The following USP3 variants were observed in gnomAD, a reference collection of about 807,000 sequenced individuals.
USP3 encodes ubiquitin specific peptidase 3.
A neutral mutation model predicts 72.3 loss-of-function variants in USP3; 20 were observed. The ratio of observed to expected loss-of-function variants is 0.28; its 90% CI spans 0.19 to 0.40. The LOEUF is 0.40. Among genes scored for constraint, USP3 ranks in the 10% least tolerant of loss-of-function variants. USP3 has a pLI of 1.00. For synonymous variants in USP3, 222 were observed against 225.3 expected, an observed-to-expected ratio of 0.99 and a Z score of 0.13; for missense variants, 479 against 633.9, an observed-to-expected ratio of 0.76 and a Z score of 2.62.
chr15:63,594,497 A>G lies in USP3; in HGVS notation c.*3671A>G, dbSNP rs2067258003. 6.6e-6 allele frequency: 1 copy of G among 152,226 alleles called. No individual in the cohort carries two copies. Among genetic ancestry groups the G allele is most frequent in the African/African-American group, 2.4e-5 (1 of 41,438 alleles). The allele number at this position is 152,226 out of a possible 1,614,324, so 9.4% of individuals were successfully genotyped here. ...TCATGCTATGATGTCATCATTTGCC[A>G]TTAAAACCCAGTTTGTATGATGCCA... On this transcript the variant is annotated 3_prime_UTR_variant, in exon 15 of 15. Coordinates refer to ENST00000380324, the MANE Select transcript of USP3 (RefSeq NM_006537.4).
intron 3 of USP3, among the ~76,000 whole-genome samples, chr15:63,542,878 C>G (rs56930052): frequency 0.06 from 9,108 of 152,054 alleles, 332 homozygotes; most frequent in African/African-American, 0.1. Context: ...GACAGAAAGT[C>G]AAATAATTGG....
At position 63,550,409 on chromosome 15, in the gene USP3, A is replaced by G. The variant is rs147501754; in HGVS notation, c.285-3306A>G. Among the ~76,000 whole-genome samples the G allele has an allele frequency of 3.1e-3, 475 of 152,360 alleles. 1 individual carries two copies. The highest frequency in any genetic ancestry group is 6.8e-3 in the Middle Eastern group (2 of 294). On this transcript the variant is annotated intron_variant, in intron 3 of 14. Transcript: ENST00000380324. ...TCCCACAGCAGAAAAAATAAGAGAA[A>G]TAAATCCAACAAATACTGATGTTGG...
rs72750954 is a variant in USP3 at position 63,561,874 on chromosome 15, T to C, written c.648-1021T>C. Among the ~76,000 whole-genome samples the C allele has an allele frequency of 5.6e-3, 852 of 152,232 alleles. 4 individuals are homozygous for C. The highest frequency in any genetic ancestry group is 9.7e-3 in the Non-Finnish European group (660 of 68,020). ...GAGATACCAATCAAGTATCCGAAAA[T>C]ATGGTGCTTATGTTGACAGCTATGG... On this transcript the variant is annotated intron_variant, in intron 7 of 14. Transcript: ENST00000380324.
Position 63,588,550 on chromosome 15 carries a change from A to T in USP3, c.1215+127A>T. 1.0e-6 allele frequency: 1 copy of T among 965,768 alleles called. No homozygotes were observed. The highest frequency in any genetic ancestry group is 1.6e-5 in the African/African-American group (1 of 61,082). 59.8% of individuals were successfully genotyped at this position (965,768 alleles called of 1,614,324 possible). Reference sequence around the variant, plus strand: ...TTCTCTAGGATTTTCAGTAAAAGCTAAACCCCTTACAGAATGAATGCATAA... The same window carrying T: ...TTCTCTAGGATTTTCAGTAAAAGCTTAACCCCTTACAGAATGAATGCATAA... On this transcript the variant is annotated intron_variant, in intron 12 of 14. Coordinates refer to ENST00000380324, the MANE Select transcript of USP3 (RefSeq NM_006537.4). The surrounding 1 kb of genome is among the most constrained non-coding windows in gnomAD (Gnocchi z 4.6).
At chr15:63,581,345 T>TTGTGTGTGTGTG (rs59188081) in intron 11 of USP3, among the ~76,000 whole-genome samples, 23 of 130,180 alleles carry the variant, frequency 1.8e-4, no homozygotes, top group East Asian at 1.3e-3. Flanking sequence ...GTGTTGGTTT[T>TTGTGTGTGTGTG]TGTGTGTGTG....
At chr15:63,506,881 C>G (rs2065720481) in intron 1 of USP3, among the ~76,000 whole-genome samples, 1 of 152,190 alleles carries the variant, frequency 6.6e-6, no homozygotes, top group South Asian at 2.1e-4. Context: ...TGTGAGTCCA[C>G]ACTCTGAATT....
Position 63,587,439 on chromosome 15 carries a change from G to T in USP3, c.1097-866G>T, listed in dbSNP as rs185622153. Among the ~76,000 whole-genome samples the T allele has an allele frequency of 9.3e-4, 142 of 152,198 alleles. 1 individual carries two copies. The highest frequency in any genetic ancestry group is 3.4e-3 in the African/African-American group (141 of 41,544). On this transcript the variant is annotated intron_variant, in intron 11 of 14. Coordinates refer to ENST00000380324, the MANE Select transcript of USP3 (RefSeq NM_006537.4). ...AGTAAGTCTTCATTTAATGTCATCA[G>T]TAGGTTCTTGGAAACTGCAAGTTTA...
chr15:63,560,102 T>C lies in USP3; in HGVS notation c.647+132T>C. On this transcript the variant is annotated intron_variant, in intron 7 of 14. Coordinates refer to ENST00000380324, the MANE Select transcript of USP3 (RefSeq NM_006537.4). ...AAATCTTCTAAAAATTGTGTTTAAA[T>C]ATCTAGTTAGCAATCTTAATAATTG... The C allele has an allele frequency of 5.3e-6, 4 of 755,598 alleles. No homozygotes were observed. In the South Asian group the frequency reaches 8.1e-5, roughly 15 times the overall value. 46.8% of individuals were successfully genotyped at this position (755,598 alleles called of 1,614,324 possible).
chr15:63,504,871 C>G (rs553220622), intron 1 of USP3, 41 bp downstream of exon 1: 1 of 1,511,502 alleles, frequency 6.6e-7, no homozygotes, highest in African/African-American at 1.4e-5. Context: ...GCACCCGAGG[C>G]CGCGGCTCTG....
intron 1 of USP3, among the ~76,000 whole-genome samples, chr15:63,523,687 G>T (rs2065946193): frequency 6.6e-6 from 1 of 152,194 alleles, no homozygotes; most frequent in Non-Finnish European, 1.5e-5. Context: ...ATTGTGAGTA[G>T]TTCCAGCTTA....
In USP3 at chr15:63,594,450, G is replaced by A. The variant is rs1237246370; in HGVS notation, c.*3624G>A. 6.6e-6 allele frequency: 1 copy of A among 152,178 alleles called. No homozygotes were observed. Among genetic ancestry groups the A allele is most frequent in the East Asian group, 1.9e-4 (1 of 5,196 alleles). 9.4% of individuals were successfully genotyped at this position (152,178 alleles called of 1,614,324 possible). A position where few individuals can be genotyped will look rare whatever the true frequency, so the allele number is the denominator to read the frequency against. On this transcript the variant is annotated 3_prime_UTR_variant, in exon 15 of 15. Coordinates refer to ENST00000380324, the MANE Select transcript of USP3 (RefSeq NM_006537.4). The stretch of plus-strand genomic sequence containing the variant: ...TCAGGTGTGAGCGTGATGGACTCTA[G>A]ACTGCCTTCCATGAGTGTTGGTCAT...
chr15:63,555,679 T>A (rs1347467976), intron 4 of USP3, among the ~76,000 whole-genome samples: 1 of 152,182 alleles, frequency 6.6e-6, no homozygotes, highest in Non-Finnish European at 1.5e-5. Flanking sequence ...GTGGTTTACC[T>A]TCCCCACTTC....
In USP3 at chr15:63,588,924, CCTT is replaced by C. The variant is rs2067129195; in HGVS notation, c.1330-15_1330-13del. The C allele has an allele frequency of 6.2e-7, 1 of 1,614,098 alleles. No individual in the cohort carries two copies. The highest frequency in any genetic ancestry group is 8.5e-7 in the Non-Finnish European group (1 of 1,179,998). On this transcript the variant is annotated splice_polypyrimidine_tract_variant and intron_variant, in intron 13 of 14. Transcript: ENST00000380324. This position sits in a 1 kb window ranked among gnomAD's most constrained non-coding sequence, Gnocchi z 4.6. ...GATACTGATGTCATTGACCACTGCT[CCTT>C]CTTCCTTGTTCTGTAGCCTGAGAAC...
chr15:63,511,542 C>G (rs553259471), intron 1 of USP3, among the ~76,000 whole-genome samples: 6 of 152,154 alleles, frequency 3.9e-5, no homozygotes, highest in Middle Eastern at 3.4e-3. Context: ...AAATGTCAAC[C>G]TTGTTATACT....
chr15:63,562,048 T>G (rs1489938442), intron 7 of USP3, among the ~76,000 whole-genome samples: 4 of 152,174 alleles, frequency 2.6e-5, no homozygotes, highest in Non-Finnish European at 5.9e-5. Context: ...CTCCTGGCTT[T>G]CTTTTCCACC....
chr15:63,513,206 A>G (rs1319732265), intron 1 of USP3, among the ~76,000 whole-genome samples: 2 of 152,180 alleles, frequency 1.3e-5, no homozygotes, highest in Admixed American at 6.5e-5. Flanking sequence ...CACCCTGAAG[A>G]CACTTAATTT....
chr15:63,588,622 C>G lies in USP3; in HGVS notation c.1216-80C>G. On this transcript the variant is annotated intron_variant, in intron 12 of 14. Transcript: ENST00000380324. This position sits in a 1 kb window ranked among gnomAD's most constrained non-coding sequence, Gnocchi z 4.6. ...GATAGGGCAGCTAAAATGTTATTTA[C>G]TGAACTGATAGTAGTATCAAACTTT... The G allele has an allele frequency of 9.1e-7, 1 of 1,102,210 alleles. No individual in the cohort carries two copies. Among genetic ancestry groups the G allele is most frequent in the African/African-American group, 1.6e-5 (1 of 64,136 alleles). The allele number at this position is 1,102,210 out of a possible 1,614,324, so 68.3% of individuals were successfully genotyped here. A position where few individuals can be genotyped will look rare whatever the true frequency, so the allele number is the denominator to read the frequency against.
In USP3 at chr15:63,574,315, CT is replaced by C; in HGVS notation, c.1016-4del. ...ACAGCTCTCTGTTTACCTCTCTCTCCTTTTAAGACCTTTCATTAGATATTCC... is the reference window on the plus strand; with the variant it reads ...ACAGCTCTCTGTTTACCTCTCTCTCCTTTAAGACCTTTCATTAGATATTCC... On this transcript the variant is annotated splice_polypyrimidine_tract_variant and splice_region_variant and intron_variant, in intron 10 of 14. Coordinates refer to ENST00000380324, the MANE Select transcript of USP3 (RefSeq NM_006537.4). This position sits in a 1 kb window ranked among gnomAD's most constrained non-coding sequence, Gnocchi z 4.6. The C allele has an allele frequency of 6.3e-7, 1 of 1,580,124 alleles. No individual in the cohort carries two copies. The highest frequency in any genetic ancestry group is 1.2e-5 in the South Asian group (1 of 83,326).
intron 11 of USP3, among the ~76,000 whole-genome samples, chr15:63,580,832 G>A (rs1396030707): frequency 6.6e-6 from 1 of 151,658 alleles, no homozygotes; most frequent in East Asian, 1.9e-4. Context: ...TTTTTGAGAT[G>A]GAGTCTTGCT....
Sources: gnomAD v4.1 joint callset for allele counts (sites outside exome capture counted in the v4.1 genomes callset) on GRCh38, gnomAD v4.1.1 for gene constraint, Gnocchi (gnomAD v3.1) non-coding constraint, MANE v1.5 for transcripts, NCBI Gene and HGNC (gene_info 2026-07-23, HGNC 2026-07-21) for gene names.